FAM120A: variants seen among roughly 807,000 people sequenced by gnomAD.
FAM120A encodes the protein family with sequence similarity 120 member A.
In FAM120A, 15 loss-of-function variants were observed where a neutral mutation model predicts 109.7. The ratio of observed to expected loss-of-function variants is 0.14; its 90% CI spans 0.09 to 0.21. The LOEUF (loss-of-function observed/expected upper bound fraction) is 0.21, where lower values mean the gene tolerates loss of function less well. Among genes scored for constraint, FAM120A ranks in the 10% least tolerant of loss-of-function variants. FAM120A has a pLI of 1.00. For missense variants in FAM120A, 899 were observed against 1,439.3 expected, an observed-to-expected ratio of 0.62 and a Z score of 6.07; for synonymous variants, 493 against 572.8, an observed-to-expected ratio of 0.86 and a Z score of 1.99.
chr9:93,492,628 G>A (rs1859379006), intron 3 of FAM120A, among the ~76,000 whole-genome samples: 1 of 152,124 alleles, frequency 6.6e-6, no homozygotes, highest in Non-Finnish European at 1.5e-5. Flanking sequence ...CAGGAGGGAA[G>A]CAAGCTTCTC....
chr9:93,474,250 C>T (rs1261700101), intron 2 of FAM120A, among the ~76,000 whole-genome samples: 1 of 150,262 alleles, frequency 6.7e-6, no homozygotes, highest in Admixed American at 6.6e-5. Flanking sequence ...TGCAGTGGTG[C>T]GATCTTGGCT....
At chr9:93,521,044 T>C (rs1860825284) in intron 7 of FAM120A, among the ~76,000 whole-genome samples, 1 of 152,238 alleles carries the variant, frequency 6.6e-6, no homozygotes, top group African/African-American at 2.4e-5. Flanking sequence ...TGTTACTCTT[T>C]TGAAATACAA....
At chr9:93,453,916 C>T (rs1336480340) in intron 1 of FAM120A, among the ~76,000 whole-genome samples, 3 of 152,168 alleles carry the variant, frequency 2.0e-5, no homozygotes, top group African/African-American at 4.8e-5. Flanking sequence ...CTTTGGTAAC[C>T]GCACAGCTCT....
chr9:93,528,196 C>G (rs928457592), intron 8 of FAM120A, among the ~76,000 whole-genome samples: 2 of 152,170 alleles, frequency 1.3e-5, no homozygotes, highest in Non-Finnish European at 2.9e-5. Flanking sequence ...TTGAGTTGTT[C>G]TACATCTGTA....
chr9:93,459,823 G>C (rs750994972), intron 1 of FAM120A, among the ~76,000 whole-genome samples: 5 of 152,190 alleles, frequency 3.3e-5, no homozygotes, highest in Non-Finnish European at 7.3e-5. Flanking sequence ...ACAGTGCACA[G>C]AACAGCCCCC....
At chr9:93,453,695 C>G (rs945070276) in intron 1 of FAM120A, 13 of 896,756 alleles carry the variant, frequency 1.4e-5, no homozygotes, top group Non-Finnish European at 1.7e-5. Flanking sequence ...CTGGCAGACA[C>G]ACAGCTGCCA....
At chr9:93,514,838 G>C (rs1860496934) in intron 5 of FAM120A, among the ~76,000 whole-genome samples, 1 of 152,214 alleles carries the variant, frequency 6.6e-6, no homozygotes, top group Non-Finnish European at 1.5e-5. Context: ...CCTGTGCTTA[G>C]TTAGGCCGCG....
intron 12 of FAM120A, among the ~76,000 whole-genome samples, chr9:93,555,651 C>T (rs1426007846): frequency 6.6e-6 from 1 of 152,214 alleles, no homozygotes. Flanking sequence ...CTCTGCTTAT[C>T]AGACACTAGA....
chr9:93,472,714 T>A (rs1190675533), intron 2 of FAM120A, among the ~76,000 whole-genome samples: 1 of 152,244 alleles, frequency 6.6e-6, no homozygotes, highest in Non-Finnish European at 1.5e-5. Flanking sequence ...CAACTAGAAA[T>A]TGTAAGGAGT....
In FAM120A at chr9:93,454,616, A is replaced by ATTTAAAAAGC. The variant is rs1857469874; in HGVS notation, c.474+2229_474+2238dup. On this transcript the variant is annotated intron_variant, in intron 1 of 17. Coordinates refer to ENST00000277165, the MANE Select transcript of FAM120A (RefSeq NM_014612.5). ...TTAATAGCAAGAAGTGACAAGAGAG[A>ATTTAAAAAGC]TTTAAAAAGCTATAAAAAGCAAACA... Among the ~76,000 whole-genome samples, 3 of 152,350 alleles carry ATTTAAAAAGC rather than the reference A, an allele frequency of 2.0e-5. No individual in the cohort carries two copies. The South Asian group carries it at 6.2e-4, about 32-fold the overall frequency.
chr9:93,541,723 C>T (rs903783017), intron 10 of FAM120A, among the ~76,000 whole-genome samples: 2 of 152,082 alleles, frequency 1.3e-5, no homozygotes, highest in Admixed American at 1.3e-4. Context: ...TAACTTGTAC[C>T]CCAGCTCTGC....
At chr9:93,496,512 G>C (rs1859581028) in intron 3 of FAM120A, among the ~76,000 whole-genome samples, 1 of 152,324 alleles carries the variant, frequency 6.6e-6, no homozygotes, top group South Asian at 2.1e-4. Flanking sequence ...TGCAAGGGCT[G>C]GTCCCTCTGC....
intron 8 of FAM120A, among the ~76,000 whole-genome samples, chr9:93,528,323 C>A (rs1861175047): frequency 6.6e-6 from 1 of 152,124 alleles, no homozygotes; most frequent in African/African-American, 2.4e-5. Flanking sequence ...TAATTACACA[C>A]CATTGTAAAG....
In FAM120A at chr9:93,550,431, A is replaced by G. The variant is rs1862056878; in HGVS notation, c.2160-146A>G. On this transcript the variant is annotated intron_variant, in intron 11 of 17. Coordinates refer to ENST00000277165, the MANE Select transcript of FAM120A (RefSeq NM_014612.5). ...TGTAATGGTATCATCAAATGAAAGTAGAAAAGTAGAAAAGCTGAATAAGAA... is the reference window on the plus strand; with the variant it reads ...TGTAATGGTATCATCAAATGAAAGTGGAAAAGTAGAAAAGCTGAATAAGAA... 10 of 611,266 alleles carry G rather than the reference A, an allele frequency of 1.6e-5. No individual in the cohort carries two copies. The South Asian group carries it at 1.9e-4, about 12-fold the overall frequency. 37.9% of individuals were successfully genotyped at this position (611,266 alleles called of 1,614,324 possible). A position where few individuals can be genotyped will look rare whatever the true frequency, so the allele number is the denominator to read the frequency against.
intron 5 of FAM120A, among the ~76,000 whole-genome samples, chr9:93,501,370 C>T (rs1005718606): frequency 6.6e-6 from 1 of 152,164 alleles, no homozygotes; most frequent in Middle Eastern, 3.2e-3. Flanking sequence ...TATGTTCTGT[C>T]AAGTGCTTTT....
At position 93,539,292 on chromosome 9, in the gene FAM120A, T is replaced by G. The variant is rs190528576; in HGVS notation, c.1910-3930T>G. Reference sequence around the variant, plus strand: ...GATTACAGGCGTGAGCCACCGCGCCTGGCCGCCCTAGAGTTGTTTTTGCCA... The same window carrying G: ...GATTACAGGCGTGAGCCACCGCGCCGGGCCGCCCTAGAGTTGTTTTTGCCA... On this transcript the variant is annotated intron_variant, in intron 10 of 17. Transcript: ENST00000277165. Among the ~76,000 whole-genome samples, 504 of 152,318 alleles carry G rather than the reference T, an allele frequency of 3.3e-3. 7 individuals carry two copies. Among genetic ancestry groups the G allele is most frequent in the African/African-American group, 0.012 (486 of 41,578 alleles).
intron 1 of FAM120A, among the ~76,000 whole-genome samples, chr9:93,467,745 G>A (rs1858112667): frequency 1.3e-5 from 2 of 152,174 alleles, no homozygotes; most frequent in Non-Finnish European, 2.9e-5. Context: ...AATTAGAGTT[G>A]TACTGAATTA....
intron 15 of FAM120A, 130 bp from the exon 16 acceptor site, chr9:93,560,979 C>A: frequency 2.0e-6 from 2 of 1,000,368 alleles, no homozygotes; most frequent in Non-Finnish European, 2.9e-6. Context: ...AAAAATTGTA[C>A]AAAACAGGAG....
intron 3 of FAM120A, among the ~76,000 whole-genome samples, chr9:93,478,916 C>T (rs1489215463): frequency 2.0e-5 from 3 of 152,180 alleles, no homozygotes; most frequent in Non-Finnish European, 4.4e-5. Flanking sequence ...GTATGTATCC[C>T]ACCTGCTATT....
Sources: gnomAD v4.1 joint callset for allele counts (sites outside exome capture counted in the v4.1 genomes callset) on GRCh38, gnomAD v4.1.1 for gene constraint, MANE v1.5 for transcripts, NCBI Gene and HGNC (gene_info 2026-07-23, HGNC 2026-07-21) for gene names.